CNTNAP5: variants seen among roughly 807,000 people sequenced by gnomAD.
The protein encoded by CNTNAP5 is contactin-associated protein-like 5.
A neutral mutation model predicts 150.2 loss-of-function variants in CNTNAP5; 72 were observed. The observed-to-expected ratio is 0.48, with a 90% CI of 0.40 to 0.58. The LOEUF (loss-of-function observed/expected upper bound fraction) is 0.58, where lower values mean the gene tolerates loss of function less well. Ranked by LOEUF, CNTNAP5 falls within the 20% of genes least tolerant of loss-of-function variation. CNTNAP5 has a pLI of 0.00. For missense variants in CNTNAP5, 1,636 were observed against 1,626.2 expected (o/e 1.01, Z -0.10); for synonymous variants, 672 against 619.8 (o/e 1.08, Z -1.25).
At chr2:124,788,147 C>G (rs1238067757) in intron 17 of CNTNAP5, among the ~76,000 whole-genome samples, 2 of 152,286 alleles carry the variant, frequency 1.3e-5, no homozygotes, top group East Asian at 3.9e-4. Flanking sequence ...CTGGGTTCTC[C>G]CAGGAGTTTC....
intron 19 of CNTNAP5, among the ~76,000 whole-genome samples, chr2:124,861,643 G>A (rs918518988): frequency 2.0e-5 from 3 of 151,978 alleles, no homozygotes; most frequent in Middle Eastern, 3.4e-3. Context: ...GCCTGAATAC[G>A]GGGAAGAAGA....
chr2:124,081,955 T>C lies in CNTNAP5; in HGVS notation c.82+56223T>C, dbSNP rs142425597. ...TTATATCAATACAAAATCCCCTATATTGCCCTTTTATAGTCAGTTTCTTCT... is the reference window on the plus strand; with the variant it reads ...TTATATCAATACAAAATCCCCTATACTGCCCTTTTATAGTCAGTTTCTTCT... On this transcript the variant is annotated intron_variant, in intron 1 of 23. Transcript: ENST00000682447. Among the ~76,000 whole-genome samples the C allele has an allele frequency of 1.5e-3, 228 of 152,284 alleles. 2 individuals are homozygous for C. The highest frequency in any genetic ancestry group is 5.2e-3 in the African/African-American group (218 of 41,552).
In CNTNAP5 at chr2:124,221,781, C is replaced by T. The variant is rs1686325564; in HGVS notation, c.159C>T (p.His53=). The T allele has an allele frequency of 1.9e-6, 3 of 1,610,046 alleles. No individual in the cohort carries two copies. Among genetic ancestry groups the T allele is most frequent in the Non-Finnish European group, 2.5e-6 (3 of 1,177,840 alleles). ...FSSSSDLTGT[H]SPAQLNWRVG... ...GTTCCTCAGACCTCACTGGCACTCA[C>T]AGCCCAGCTCAACTCAACTGGAGAG... is the stretch of plus-strand genomic sequence containing the variant. The change falls in exon 2 of 24, where the codon CAC becomes CAT. Residue 53 remains histidine (H), a synonymous_variant. Coordinates refer to ENST00000682447, the MANE Select transcript of CNTNAP5 (RefSeq NM_001367498.1).
intron 19 of CNTNAP5, among the ~76,000 whole-genome samples, chr2:124,851,192 C>G (rs1683147066): frequency 6.6e-6 from 1 of 152,038 alleles, no homozygotes; most frequent in African/African-American, 2.4e-5. Context: ...TGGTGAAACC[C>G]CATCTCTACA....
chr2:124,485,612 C>CAAAAAAAAAAAAAAAAAAAAAAAA (rs576700912), intron 7 of CNTNAP5, among the ~76,000 whole-genome samples: 1 of 52,402 alleles, frequency 1.9e-5, no homozygotes, highest in African/African-American at 8.5e-5. Flanking sequence ...GACTCTGTCT[C>CAAAAAAAAAAAAAAAAAAAAAAAA]AAAAAAAAAA....
intron 4 of CNTNAP5, among the ~76,000 whole-genome samples, chr2:124,419,905 T>TTTCTTTCG (rs1692042558): frequency 9.7e-6 from 1 of 102,908 alleles, no homozygotes; most frequent in East Asian, 2.6e-4. Flanking sequence ...GTTTTCTTTC[T>TTTCTTTCG]TTCTTTCTTT....
At chr2:124,627,817 T>A (rs933853353) in intron 12 of CNTNAP5, among the ~76,000 whole-genome samples, 1 of 152,086 alleles carries the variant, frequency 6.6e-6, no homozygotes, top group South Asian at 2.1e-4. Context: ...CTAAGAACCA[T>A]GATAAAAGAT....
At chr2:124,575,015 C>A (rs754151463) in intron 11 of CNTNAP5, among the ~76,000 whole-genome samples, 4 of 152,144 alleles carry the variant, frequency 2.6e-5, no homozygotes, top group Admixed American at 6.5e-5. Context: ...ATCTCTCTGA[C>A]AAGTATGATC....
At chr2:124,432,127 C>G (rs1692406202) in intron 4 of CNTNAP5, among the ~76,000 whole-genome samples, 1 of 152,164 alleles carries the variant, frequency 6.6e-6, no homozygotes, top group African/African-American at 2.4e-5. Flanking sequence ...ATAGCAAAAA[C>G]AGAGGGGTGT....
intron 1 of CNTNAP5, among the ~76,000 whole-genome samples, chr2:124,157,318 T>C (rs78554964): frequency 0.054 from 8,219 of 152,252 alleles, 428 homozygotes; most frequent in East Asian, 0.24. Context: ...AAGAAATAAA[T>C]GGAGTAATTC....
chr2:124,566,451 A>G (rs1396652941), intron 11 of CNTNAP5, among the ~76,000 whole-genome samples: 1 of 152,200 alleles, frequency 6.6e-6, no homozygotes, highest in African/African-American at 2.4e-5. Flanking sequence ...GAAGTTGAAA[A>G]TCAATGGAGG....
chr2:124,568,767 C>T (rs1472264639), intron 11 of CNTNAP5, among the ~76,000 whole-genome samples: 1 of 152,110 alleles, frequency 6.6e-6, no homozygotes, highest in Non-Finnish European at 1.5e-5. Flanking sequence ...ATTTTCTGGC[C>T]GGGCGCGGTG....
At chr2:124,912,262 G>C (rs1174964498) in intron 23 of CNTNAP5, among the ~76,000 whole-genome samples, 1 of 152,062 alleles carries the variant, frequency 6.6e-6, no homozygotes, top group African/African-American at 2.4e-5. Flanking sequence ...ACCTTAGCAG[G>C]TGCCGCCATC....
intron 21 of CNTNAP5, among the ~76,000 whole-genome samples, chr2:124,898,695 A>G (rs923523841): frequency 1.3e-5 from 2 of 151,648 alleles, no homozygotes; most frequent in African/African-American, 2.4e-5. Flanking sequence ...ATGGAAATGT[A>G]GTAGAGTTCC....
intron 3 of CNTNAP5, among the ~76,000 whole-genome samples, chr2:124,376,817 A>G (rs1185397025): frequency 6.6e-6 from 1 of 152,066 alleles, no homozygotes; most frequent in Non-Finnish European, 1.5e-5. Context: ...TTTTAAGCTT[A>G]AGAAAGTAAT....
At chr2:124,271,146 A>C (rs1218788477) in intron 3 of CNTNAP5, among the ~76,000 whole-genome samples, 2 of 152,154 alleles carry the variant, frequency 1.3e-5, no homozygotes, top group African/African-American at 4.8e-5. Flanking sequence ...ATGGCCAGGC[A>C]ACTCTAGAAA....
intron 3 of CNTNAP5, among the ~76,000 whole-genome samples, chr2:124,345,913 T>C (rs1160590476): frequency 6.6e-6 from 1 of 152,198 alleles, no homozygotes; most frequent in Non-Finnish European, 1.5e-5. Context: ...AAATTCCAAG[T>C]TGTTTGAACT....
chr2:124,705,527 C>CA (rs35056162), intron 13 of CNTNAP5, among the ~76,000 whole-genome samples: 3 of 144,986 alleles, frequency 2.1e-5, no homozygotes, highest in East Asian at 4.2e-4. Flanking sequence ...GACTCCATCT[C>CA]AAAAAAATAA....
chr2:124,393,651 G>A (rs1467034005), intron 3 of CNTNAP5, among the ~76,000 whole-genome samples: 2 of 152,204 alleles, frequency 1.3e-5, no homozygotes, highest in Non-Finnish European at 2.9e-5. Context: ...CTCACAGGGT[G>A]CTTTAGACCA....
Sources: allele counts gnomAD v4.1 joint callset (sites outside exome capture counted in the v4.1 genomes callset), GRCh38; gene constraint gnomAD v4.1.1; transcripts MANE v1.5; gene names NCBI Gene and HGNC (gene_info 2026-07-23, HGNC 2026-07-21).